SLC36A3: variants seen among roughly 807,000 people sequenced by gnomAD.
SLC36A3 encodes proton-coupled amino acid transporter 3.
A neutral mutation model predicts 44.3 loss-of-function variants in SLC36A3; 35 were observed. That is an observed-to-expected ratio of 0.79 (90% CI 0.60 to 1.05). SLC36A3 has a LOEUF of 1.05. SLC36A3 is among the 50% of genes least tolerant of loss of function. The pLI is 0.00. For synonymous variants in SLC36A3, 211 were observed against 227.6 expected, an observed-to-expected ratio of 0.93 and a Z score of 0.66; for missense variants, 540 against 578.7, an observed-to-expected ratio of 0.93 and a Z score of 0.69.
At chr5:151,285,880 A>G (rs1754517417) in intron 6 of SLC36A3, among the ~76,000 whole-genome samples, 1 of 152,170 alleles carries the variant, frequency 6.6e-6, no homozygotes, top group Admixed American at 6.5e-5. Context: ...AGACAAGAGA[A>G]CAGATTCTCC....
At chr5:151,279,453 G>C (rs1754227314) in intron 9 of SLC36A3, among the ~76,000 whole-genome samples, 1 of 152,204 alleles carries the variant, frequency 6.6e-6, no homozygotes, top group African/African-American at 2.4e-5. Flanking sequence ...ACAAATGATT[G>C]TTGAATGAAT....
intron 1 of SLC36A3, among the ~76,000 whole-genome samples, chr5:151,299,225 GCT>G (rs61382152): frequency 0.036 from 3,296 of 91,986 alleles, 48 homozygotes; most frequent in African/African-American, 0.046. Context: ...TTGCTTGTGC[GCT>G]CTCTCTCTCT....
chr5:151,288,274 G>A, intron 5 of SLC36A3, 112 bp downstream of exon 5: 2 of 709,124 alleles, frequency 2.8e-6, no homozygotes, highest in Non-Finnish European at 4.3e-6. Flanking sequence ...TGATCTAGGA[G>A]TAGAAATGAA....
chr5:151,293,554 G>A (rs1754840918), intron 3 of SLC36A3, 95 bp from the exon 4 acceptor site: 5 of 976,084 alleles, frequency 5.1e-6, no homozygotes, highest in Non-Finnish European at 4.6e-6. Flanking sequence ...ATTTGTGTGT[G>A]AGCATGAAGC....
At chr5:151,302,565 G>A (rs1242356326) in intron 1 of SLC36A3, among the ~76,000 whole-genome samples, 3 of 149,736 alleles carry the variant, frequency 2.0e-5, no homozygotes, top group African/African-American at 7.4e-5. Context: ...AAACACTGGG[G>A]CTGGTTGGGG....
chr5:151,298,558 G>C, intron 2 of SLC36A3, 35 bp downstream of exon 2: 1 of 1,607,824 alleles, frequency 6.2e-7, no homozygotes, highest in Non-Finnish European at 8.5e-7. Flanking sequence ...CTGCAAATGA[G>C]CAAACCTAGT....
intron 4 of SLC36A3, among the ~76,000 whole-genome samples, chr5:151,291,737 T>C (rs1754763618): frequency 6.6e-6 from 1 of 152,204 alleles, no homozygotes. Flanking sequence ...GATGCTAAGA[T>C]GAGTACATGG....
chr5:151,297,509 T>C (rs1754997381), intron 2 of SLC36A3: 1 of 152,202 alleles, frequency 6.6e-6, no homozygotes. Context: ...TCCAAGGAAA[T>C]GGAATTATAT....
chr5:151,284,664 G>T lies in SLC36A3; in HGVS notation c.756C>A (p.Thr252=). The change falls in exon 7 of 10, where the codon ACC becomes ACA. Residue 252 remains threonine, a synonymous_variant. Coordinates refer to ENST00000335230, the MANE Select transcript of SLC36A3 (RefSeq NM_181774.4). ...TGGCTGTACCAAAGAACAGCAAGAAGGTCTTCCAGTTTGCCATCAAGGGTA... is the reference window on the plus strand; with the variant it reads ...TGGCTGTACCAAAGAACAGCAAGAATGTCTTCCAGTTTGCCATCAAGGGTA... The part of the protein sequence containing the change: ...SNLPLMANWK[T]FLLFFGTAIF... 2 of 1,613,392 alleles carry T rather than the reference G, an allele frequency of 1.2e-6. No homozygotes were observed. Among genetic ancestry groups the T allele is most frequent in the Non-Finnish European group, 1.7e-6 (2 of 1,179,514 alleles).
chr5:151,299,406 G>A (rs1465364321), intron 1 of SLC36A3, among the ~76,000 whole-genome samples: 3 of 146,120 alleles, frequency 2.1e-5, no homozygotes, highest in African/African-American at 7.6e-5. Flanking sequence ...ATATATATAT[G>A]AATTGCTATA....
At position 151,299,276 on chromosome 5, in the gene SLC36A3, A is replaced by C. The variant is rs894681498; in HGVS notation, c.129-593T>G. 6.6e-3 allele frequency among the ~76,000 whole-genome samples: 882 copies of C among 133,910 alleles called. 6 individuals carry two copies. The highest frequency in any genetic ancestry group is 0.023 in the African/African-American group (829 of 36,154). 87.9% of individuals were successfully genotyped at this position (133,910 alleles called of 152,430 possible). On this transcript the variant is annotated intron_variant, in intron 1 of 9. Coordinates refer to ENST00000335230, the MANE Select transcript of SLC36A3 (RefSeq NM_181774.4). ...TCTCTCTCTCTCTCTATATATATAT[A>C]TATATATATATATATGAAATGAGCT... is the stretch of plus-strand genomic sequence containing the variant.
Position 151,277,605 on chromosome 5 carries a change from C to T in SLC36A3, c.1201G>A (p.Val401Met), listed in dbSNP as rs375681986. ...ATGAGAGCCAGGGCGCTGCTGCTCA[C>T]GGAGCCTACCAGGGAGATGACCAAG... ...LDLVISLVGS[V>M]SSSALALIIP... Residue 401 changes from valine (V) to methionine (M), a missense_variant, in exon 10 of 10, where the codon GTG becomes ATG. Physicochemically the swap from Val to Met is conservative, Grantham distance 21. Coordinates refer to ENST00000335230, the MANE Select transcript of SLC36A3 (RefSeq NM_181774.4). 209 of 1,614,156 alleles carry T rather than the reference C, an allele frequency of 1.3e-4. 1 individual carries two copies. Among genetic ancestry groups the T allele is most frequent in the South Asian group, 4.4e-4 (40 of 91,078 alleles).
chr5:151,299,215 T>C (rs1361383969), intron 1 of SLC36A3, among the ~76,000 whole-genome samples: 4 of 145,178 alleles, frequency 2.8e-5, no homozygotes, highest in African/African-American at 1.0e-4. Flanking sequence ...TGAATATGAA[T>C]TGCTTGTGCG....
chr5:151,288,362 T>C, intron 5 of SLC36A3, 24 bp downstream of exon 5: 3 of 1,563,152 alleles, frequency 1.9e-6, no homozygotes, highest in Non-Finnish European at 2.6e-6. Context: ...TTTCCCCCAC[T>C]CTGCCCAGAA....
intron 1 of SLC36A3, among the ~76,000 whole-genome samples, chr5:151,301,338 G>A (rs986960939): frequency 2.0e-5 from 3 of 152,130 alleles, no homozygotes; most frequent in African/African-American, 7.2e-5. Flanking sequence ...CTGGCTCCAG[G>A]AGTCTAAACC....
chr5:151,277,002 G>A lies in SLC36A3; in HGVS notation c.*391C>T, dbSNP rs191969854. ...AATATCTAAATAGAAAACTCCCTTC[G>A]CCCAACATACACTTTTCTAAATCTG... On this transcript the variant is annotated 3_prime_UTR_variant, in exon 10 of 10. Transcript: ENST00000335230. The A allele has an allele frequency of 9.0e-4, 171 of 190,326 alleles. No homozygotes were observed. Among genetic ancestry groups the A allele is most frequent in the African/African-American group, 3.3e-3 (142 of 42,650 alleles). 11.8% of individuals were successfully genotyped at this position (190,326 alleles called of 1,614,324 possible).
intron 4 of SLC36A3, among the ~76,000 whole-genome samples, chr5:151,289,537 G>A (rs2127263431): frequency 6.6e-6 from 1 of 152,104 alleles, no homozygotes; most frequent in Middle Eastern, 3.4e-3. Context: ...AAGAGATGAT[G>A]ATGGTATGAT....
chr5:151,283,289 G>A (rs964666237), intron 8 of SLC36A3, among the ~76,000 whole-genome samples: 2 of 151,176 alleles, frequency 1.3e-5, no homozygotes, highest in Admixed American at 6.6e-5. Context: ...TCATTGGGTG[G>A]TTGGTCTTTT....
chr5:151,289,476 A>G (rs1157632056), intron 4 of SLC36A3, among the ~76,000 whole-genome samples: 1 of 150,582 alleles, frequency 6.6e-6, no homozygotes, highest in Non-Finnish European at 1.5e-5. Context: ...AGCCTGAGAA[A>G]CAGAGTGAGA....
Sources: gnomAD v4.1 joint callset for allele counts (sites outside exome capture counted in the v4.1 genomes callset) on GRCh38, gnomAD v4.1.1 for gene constraint, MANE v1.5 for transcripts, NCBI Gene and HGNC (gene_info 2026-07-23, HGNC 2026-07-21) for gene names.